Variants in HDAC9 observed in about 807,000 individuals in gnomAD.
HDAC9 encodes histone deacetylase 9, also known as MEF-2 interacting transcription repressor (MITR) protein.
A neutral mutation model predicts 139.4 loss-of-function variants in HDAC9; 41 were observed. The ratio of observed to expected loss-of-function variants is 0.29; its 90% CI spans 0.23 to 0.38. The LOEUF is 0.38. HDAC9 is among the 10% of genes least tolerant of loss of function. HDAC9 has a pLI of 1.00. For missense variants in HDAC9, 1,147 were observed against 1,297.0 expected (o/e 0.88, Z 1.78); for synonymous variants, 517 against 476.2 (o/e 1.09, Z -1.12).
At chr7:18,814,505 A>G (rs1035541146) in intron 17 of HDAC9, among the ~76,000 whole-genome samples, 5 of 152,284 alleles carry the variant, frequency 3.3e-5, no homozygotes, top group Admixed American at 1.3e-4. Flanking sequence ...CAGATTGTAC[A>G]TATCATACAC....
At chr7:18,328,887 G>A (rs1800680039) in intron 1 of HDAC9, among the ~76,000 whole-genome samples, 1 of 151,736 alleles carries the variant, frequency 6.6e-6, no homozygotes, top group South Asian at 2.1e-4. Flanking sequence ...ATTGGTATTA[G>A]GTCTTCTTTA....
At chr7:18,461,463 C>CA (rs1216255377) in intron 1 of HDAC9, among the ~76,000 whole-genome samples, 2 of 151,968 alleles carry the variant, frequency 1.3e-5, no homozygotes, top group African/African-American at 4.8e-5. Flanking sequence ...TGGTCATATC[C>CA]AATATTTCCT....
intron 25 of HDAC9, among the ~76,000 whole-genome samples, chr7:18,985,220 C>A (rs1323926294): frequency 6.6e-6 from 1 of 151,862 alleles, no homozygotes. Context: ...CTATCCCTAC[C>A]CCCCCAACCC....
chr7:18,647,712 G>A (rs1787887479), intron 9 of HDAC9, 73 bp from the exon 10 acceptor site: 1 of 1,282,626 alleles, frequency 7.8e-7, no homozygotes, highest in Non-Finnish European at 1.1e-6. Flanking sequence ...TAGGAAACTT[G>A]TCTAATGATT....
intron 1 of HDAC9, among the ~76,000 whole-genome samples, chr7:18,460,592 C>T (rs1295643364): frequency 6.6e-6 from 1 of 151,806 alleles, no homozygotes; most frequent in Non-Finnish European, 1.5e-5. Flanking sequence ...GGAGACCAGC[C>T]TGACCAATAT....
chr7:18,997,129 G>A lies in HDAC9; in HGVS notation c.*1067G>A, dbSNP rs1786513383. ...TTAGTTTATTTTGTTTACTTTACAG[G>A]TTAACACAGTTGTTTTGTCTGATTG... On this transcript the variant is annotated 3_prime_UTR_variant, in exon 26 of 26. Coordinates refer to ENST00000686413, the MANE Select transcript of HDAC9 (RefSeq NM_178425.4). 6.6e-6 allele frequency: 1 copy of A among 151,838 alleles called. No homozygotes were observed. Among genetic ancestry groups the A allele is most frequent in the Non-Finnish European group, 1.5e-5 (1 of 67,972 alleles). 9.4% of individuals were successfully genotyped at this position (151,838 alleles called of 1,614,324 possible).
At chr7:18,346,826 G>T (rs1418394455) in intron 1 of HDAC9, among the ~76,000 whole-genome samples, 1 of 152,090 alleles carries the variant, frequency 6.6e-6, no homozygotes, top group African/African-American at 2.4e-5. Context: ...ATTTCCCATT[G>T]TTTGGTTGGG....
chr7:18,156,677 A>C (rs192511700), intron 1 of HDAC9, among the ~76,000 whole-genome samples: 30 of 152,342 alleles, frequency 2.0e-4, no homozygotes, highest in Non-Finnish European at 3.2e-4. Context: ...TCATGGATGA[A>C]AGTACTCCAC....
chr7:18,671,118 G>A (rs772567040), intron 12 of HDAC9, among the ~76,000 whole-genome samples: 1 of 151,904 alleles, frequency 6.6e-6, no homozygotes, highest in Admixed American at 6.6e-5. Context: ...AGAAAGTCCA[G>A]TTTCTAAGCC....
intron 1 of HDAC9, among the ~76,000 whole-genome samples, chr7:18,096,115 A>C (rs1314653002): frequency 6.6e-6 from 1 of 152,216 alleles, no homozygotes. Context: ...GGAGTCATCG[A>C]ATTCTAAATC....
At chr7:18,954,437 G>T (rs1053153259) in intron 24 of HDAC9, 8 of 454,236 alleles carry the variant, frequency 1.8e-5, no homozygotes, top group African/African-American at 1.7e-4. Context: ...TTAGAATCTT[G>T]TTTTTCTCAT....
chr7:18,433,946 A>C (rs1790925129), intron 1 of HDAC9, among the ~76,000 whole-genome samples: 1 of 152,228 alleles, frequency 6.6e-6, no homozygotes, highest in Admixed American at 6.5e-5. Context: ...ACCAAAAAAG[A>C]GCCTGAGTAG....
chr7:18,274,170 G>A (rs1796565357), intron 2 of HDAC9, among the ~76,000 whole-genome samples: 3 of 152,172 alleles, frequency 2.0e-5, no homozygotes, highest in Admixed American at 1.3e-4. Flanking sequence ...TAGAATCAAA[G>A]TGAATAGCCA....
chr7:18,380,694 C>T (rs1464626659), intron 1 of HDAC9, among the ~76,000 whole-genome samples: 1 of 152,114 alleles, frequency 6.6e-6, no homozygotes, highest in Non-Finnish European at 1.5e-5. Context: ...CATTGGTGTC[C>T]GTCACCAAAC....
At chr7:18,107,875 T>G (rs1328735035) in intron 1 of HDAC9, among the ~76,000 whole-genome samples, 1 of 152,238 alleles carries the variant, frequency 6.6e-6, no homozygotes, top group Non-Finnish European at 1.5e-5. Context: ...TTATAAGTAA[T>G]TCCCCCTTTT....
chr7:18,467,858 A>G (rs1185360857), intron 1 of HDAC9, among the ~76,000 whole-genome samples: 4 of 152,108 alleles, frequency 2.6e-5, no homozygotes, highest in Non-Finnish European at 5.9e-5. Context: ...TTTGGCCATC[A>G]TATATATCCT....
chr7:18,385,398 A>T (rs1006551852), intron 1 of HDAC9, among the ~76,000 whole-genome samples: 1 of 152,168 alleles, frequency 6.6e-6, no homozygotes, highest in Non-Finnish European at 1.5e-5. Flanking sequence ...TTGCCTTAGT[A>T]TGCTAGTGAA....
chr7:18,652,621 A>G (rs1364405126), intron 11 of HDAC9, among the ~76,000 whole-genome samples: 3 of 152,082 alleles, frequency 2.0e-5, no homozygotes, highest in Non-Finnish European at 4.4e-5. Context: ...CCCCTTGACA[A>G]CATTATTCTT....
chr7:18,894,995 A>C (rs917374880), intron 22 of HDAC9, among the ~76,000 whole-genome samples: 2 of 152,218 alleles, frequency 1.3e-5, no homozygotes. Flanking sequence ...ACAGGAACAA[A>C]GGTAATCACT....
Sources: gnomAD v4.1 joint callset for allele counts (sites outside exome capture counted in the v4.1 genomes callset) on GRCh38, gnomAD v4.1.1 for gene constraint, MANE v1.5 for transcripts, NCBI Gene and HGNC (gene_info 2026-07-23, HGNC 2026-07-21) for gene names.